Variants in BRINP3 observed in about 807,000 individuals in gnomAD.
The protein encoded by BRINP3 is BMP/retinoic acid inducible neural specific 3.
A neutral mutation model predicts 71.0 loss-of-function variants in BRINP3; 19 were observed. The ratio of observed to expected loss-of-function variants is 0.27; its 90% CI spans 0.19 to 0.39. BRINP3 has a LOEUF of 0.39. BRINP3 is among the 10% of genes least tolerant of loss of function. The pLI, the probability that BRINP3 is intolerant of heterozygous loss-of-function variation, is 1.00. For missense variants in BRINP3, 959 were observed against 940.8 expected, an observed-to-expected ratio of 1.02 and a Z score of -0.25; for synonymous variants, 380 against 337.7, an observed-to-expected ratio of 1.13 and a Z score of -1.37.
chr1:190,460,978 A>G (rs1395121617), intron 1 of BRINP3, among the ~76,000 whole-genome samples: 1 of 152,170 alleles, frequency 6.6e-6, no homozygotes, highest in Non-Finnish European at 1.5e-5. Flanking sequence ...GTATTACTGC[A>G]ATAGCTTCAT....
rs184126310 is a variant in BRINP3 at position 190,195,816 on chromosome 1, C to A, written c.961+30266G>T. The stretch of plus-strand genomic sequence containing the variant: ...TCTGTATTTTCTTCAAGTCACCATT[C>A]TAAATTTATAACTATATCCATAATT... On this transcript the variant is annotated intron_variant, in intron 6 of 7. Transcript: ENST00000367462. 6.1e-3 allele frequency among the ~76,000 whole-genome samples: 929 copies of A among 151,990 alleles called. 5 individuals carry two copies. The highest frequency in any genetic ancestry group is 0.014 in the Middle Eastern group (4 of 294).
In BRINP3 at chr1:190,472,318, C is replaced by T. The variant is rs139734913; in HGVS notation, c.-51+5130G>A. On this transcript the variant is annotated intron_variant, in intron 1 of 7. Coordinates refer to ENST00000367462, the MANE Select transcript of BRINP3 (RefSeq NM_199051.3). ...GGAAGGAAGTCTACGTGTACAAGCA[C>T]TCTACTTTTCCCAATAACCCTTTAT... Among the ~76,000 whole-genome samples, 161 of 151,684 alleles carry T rather than the reference C, an allele frequency of 1.1e-3. 1 individual carries two copies. The highest frequency in any genetic ancestry group is 3.5e-3 in the African/African-American group (147 of 41,512).
intron 4 of BRINP3, among the ~76,000 whole-genome samples, chr1:190,241,359 C>A (rs1316278801): frequency 6.6e-6 from 1 of 152,022 alleles, no homozygotes; most frequent in African/African-American, 2.4e-5. Flanking sequence ...GGACTTAGAC[C>A]TCCTAACTCA....
chr1:190,386,960 ATTTGCCAACG>A (rs1197099581), intron 2 of BRINP3, among the ~76,000 whole-genome samples: 1 of 151,970 alleles, frequency 6.6e-6, no homozygotes. Context: ...TTTTAAAATT[ATTTGCCAACG>A]TTTGCACCAC....
rs539686449 is a variant in BRINP3 at position 190,448,249 on chromosome 1, G to T, written c.236+6406C>A. Among the ~76,000 whole-genome samples, 5 of 151,378 alleles carry T rather than the reference G, an allele frequency of 3.3e-5. No individual in the cohort carries two copies. In the South Asian group the frequency reaches 1.0e-3, roughly 31 times the overall value. ...TCTAGTTTTAAATTTGCATTCTTAAGATTTTTGAGAATTTTTAAAATAAGG... is the reference window on the plus strand; with the variant it reads ...TCTAGTTTTAAATTTGCATTCTTAATATTTTTGAGAATTTTTAAAATAAGG... On this transcript the variant is annotated intron_variant, in intron 2 of 7. Coordinates refer to ENST00000367462, the MANE Select transcript of BRINP3 (RefSeq NM_199051.3).
intron 2 of BRINP3, among the ~76,000 whole-genome samples, chr1:190,354,116 G>C (rs1009228215): frequency 1.3e-5 from 2 of 151,884 alleles, no homozygotes; most frequent in African/African-American, 4.8e-5. Context: ...TGAGTTCTCT[G>C]TGATGCTTGC....
chr1:190,109,670 A>G (rs186470142), intron 7 of BRINP3, among the ~76,000 whole-genome samples: 10 of 152,346 alleles, frequency 6.6e-5, no homozygotes, highest in East Asian at 5.8e-4. Context: ...TTCTAGTCCA[A>G]TGAGGATCTG....
At chr1:190,301,178 TATATATATGTATATATATAC>T (rs1558160339) in intron 2 of BRINP3, among the ~76,000 whole-genome samples, 1,799 of 41,452 alleles carry the variant, frequency 0.043, 77 homozygotes, top group African/African-American at 0.1. Context: ...TATATATACA[TATATATATGTATATATATAC>T]ACATACATAT....
At chr1:190,424,620 A>C (rs2102474908) in intron 2 of BRINP3, among the ~76,000 whole-genome samples, 1 of 151,834 alleles carries the variant, frequency 6.6e-6, no homozygotes, top group Middle Eastern at 3.4e-3. Context: ...TCTAACTGGT[A>C]GACTACCTTC....
At chr1:190,191,235 G>C (rs904046237) in intron 6 of BRINP3, among the ~76,000 whole-genome samples, 1 of 151,916 alleles carries the variant, frequency 6.6e-6, no homozygotes, top group African/African-American at 2.4e-5. Flanking sequence ...CCCATTTCCA[G>C]GTTTCATCCT....
chr1:190,262,093 C>T (rs776073865), intron 4 of BRINP3, among the ~76,000 whole-genome samples: 2 of 152,168 alleles, frequency 1.3e-5, no homozygotes, highest in Non-Finnish European at 2.9e-5. Context: ...ACTCTCCATA[C>T]AAAATTGCAC....
chr1:190,141,407 G>A (rs961333225), intron 7 of BRINP3, among the ~76,000 whole-genome samples: 15 of 151,984 alleles, frequency 9.9e-5, no homozygotes, highest in African/African-American at 2.7e-4. Flanking sequence ...TGTCTGCAGT[G>A]TAGTCAAGAA....
chr1:190,305,401 C>T (rs1665024402), intron 2 of BRINP3, among the ~76,000 whole-genome samples: 1 of 151,678 alleles, frequency 6.6e-6, no homozygotes, highest in South Asian at 2.1e-4. Context: ...CATTTATACA[C>T]AGTAGAATAC....
intron 6 of BRINP3, among the ~76,000 whole-genome samples, chr1:190,212,558 G>T (rs942334548): frequency 6.6e-6 from 1 of 152,050 alleles, no homozygotes; most frequent in Non-Finnish European, 1.5e-5. Flanking sequence ...TCAGTTTCTT[G>T]TATCTGAAAA....
At chr1:190,120,057 C>G (rs1235812168) in intron 7 of BRINP3, among the ~76,000 whole-genome samples, 2 of 152,184 alleles carry the variant, frequency 1.3e-5, no homozygotes, top group African/African-American at 2.4e-5. Context: ...ATTGTTTTTA[C>G]TTTTTAATTT....
intron 2 of BRINP3, among the ~76,000 whole-genome samples, chr1:190,354,264 T>G (rs1404567420): frequency 6.6e-6 from 1 of 151,994 alleles, no homozygotes; most frequent in Non-Finnish European, 1.5e-5. Flanking sequence ...TGTTTAATGT[T>G]TAATTATCAA....
intron 2 of BRINP3, among the ~76,000 whole-genome samples, chr1:190,328,069 A>G (rs1252542373): frequency 6.6e-6 from 1 of 152,152 alleles, no homozygotes; most frequent in Admixed American, 6.6e-5. Flanking sequence ...AAATTAAAGC[A>G]GAAAGTTTTT....
chr1:190,144,014 T>C (rs1029832493), intron 7 of BRINP3, among the ~76,000 whole-genome samples: 1 of 152,170 alleles, frequency 6.6e-6, no homozygotes, highest in Non-Finnish European at 1.5e-5. Flanking sequence ...TTGATGTCCA[T>C]GAAAATGCAT....
intron 7 of BRINP3, among the ~76,000 whole-genome samples, chr1:190,158,674 C>T (rs1001839287): frequency 1.1e-4 from 16 of 151,672 alleles, no homozygotes; most frequent in African/African-American, 3.6e-4. Context: ...AAATTAATAA[C>T]TTAAGTTTTT....
Sources: allele counts gnomAD v4.1 joint callset (sites outside exome capture counted in the v4.1 genomes callset), GRCh38; gene constraint gnomAD v4.1.1; transcripts MANE v1.5; gene names NCBI Gene and HGNC (gene_info 2026-07-23, HGNC 2026-07-21).